The following ZNF777 variants were observed in gnomAD, a reference collection of about 807,000 sequenced individuals.
The protein encoded by ZNF777 is zinc finger protein 777.
A neutral mutation model predicts 72.1 loss-of-function variants in ZNF777; 7 were observed. The observed-to-expected ratio is 0.10, with a 90% CI of 0.06 to 0.18. The LOEUF (loss-of-function observed/expected upper bound fraction) is 0.18, where lower values mean the gene tolerates loss of function less well. Ranked by LOEUF, ZNF777 falls within the 10% of genes least tolerant of loss-of-function variation. ZNF777 has a pLI of 1.00. For missense variants in ZNF777, 828 were observed against 1,128.6 expected (o/e 0.73, Z 3.82); for synonymous variants, 545 against 483.5 (o/e 1.13, Z -1.67).
chr7:149,433,154 G>T (rs1194106531), intron 5 of ZNF777, among the ~76,000 whole-genome samples: 1 of 152,238 alleles, frequency 6.6e-6, no homozygotes, highest in Non-Finnish European at 1.5e-5. Flanking sequence ...CTTCAGGAAT[G>T]AGTCCAGACT....
rs749024743 is a variant in ZNF777, at chr7:149,432,761, G to A, written c.1511C>T (p.Pro504Leu). 4 of 1,610,516 alleles carry A rather than the reference G, an allele frequency of 2.5e-6. No homozygotes were observed. The highest frequency in any genetic ancestry group is 3.4e-6 in the Non-Finnish European group (4 of 1,177,514). ...TGCGGGGTTTCCTAGCTGCAGGGGC[G>A]GGGGGCTCTCCTCGCCCTCGGGGGA... Reference protein sequence around the residue: ...EMSPEGEESPPPLQLGNPAVK... With the variant: ...EMSPEGEESPLPLQLGNPAVK... Residue 504 changes from proline to leucine, a missense_variant, in exon 6 of 6, where the codon CCG becomes CTG. Around this residue, in one of 12 missense-constraint regions of ZNF777, gnomAD observed 219 missense variants for 223.0 expected, o/e 0.98. Coordinates refer to ENST00000247930, the MANE Select transcript of ZNF777 (RefSeq NM_015694.3).
intron 4 of ZNF777, among the ~76,000 whole-genome samples, chr7:149,444,563 G>A (rs138412751): frequency 1.6e-3 from 240 of 152,188 alleles, no homozygotes; most frequent in Middle Eastern, 0.01. Context: ...TTGGCAAAGC[G>A]CCTGCCCCAG....
chr7:149,446,820 A>C (rs1799611333), intron 4 of ZNF777, among the ~76,000 whole-genome samples: 1 of 152,050 alleles, frequency 6.6e-6, no homozygotes, highest in South Asian at 2.1e-4. Flanking sequence ...CCCACTGACT[A>C]TCAGGCTGCC....
At chr7:149,438,148 G>T (rs1057139469) in intron 4 of ZNF777, among the ~76,000 whole-genome samples, 4 of 151,896 alleles carry the variant, frequency 2.6e-5, no homozygotes, top group Non-Finnish European at 5.9e-5. Flanking sequence ...CAAAGTGCTG[G>T]GATTACAGGC....
chr7:149,449,645 T>C (rs1401945329), intron 4 of ZNF777, among the ~76,000 whole-genome samples: 4 of 152,236 alleles, frequency 2.6e-5, no homozygotes, highest in African/African-American at 9.6e-5. Flanking sequence ...ATCTCTCTAT[T>C]TCTACTTGAC....
At chr7:149,435,963 T>C (rs1469806519) in intron 5 of ZNF777, among the ~76,000 whole-genome samples, 3 of 152,250 alleles carry the variant, frequency 2.0e-5, no homozygotes, top group African/African-American at 7.2e-5. Flanking sequence ...AGTAGGGCTT[T>C]TCCCGGGCCT....
At chr7:149,446,126 C>T (rs1563236896) in intron 4 of ZNF777, among the ~76,000 whole-genome samples, 2 of 152,158 alleles carry the variant, frequency 1.3e-5, no homozygotes, top group Non-Finnish European at 2.9e-5. Context: ...GCCTGTAATC[C>T]AAGCACTTTG....
At chr7:149,448,579 C>CTATATATA (rs57860880) in intron 4 of ZNF777, among the ~76,000 whole-genome samples, 1,405 of 114,834 alleles carry the variant, frequency 0.012, 13 homozygotes, top group Non-Finnish European at 0.016. Flanking sequence ...ATACATATAA[C>CTATATATA]TATATATATA....
At chr7:149,442,304 G>GAC (rs1427170680) in intron 4 of ZNF777, among the ~76,000 whole-genome samples, 6 of 122,272 alleles carry the variant, frequency 4.9e-5, no homozygotes, top group East Asian at 2.3e-4. Context: ...CACACACACA[G>GAC]ACACACACAC....
At chr7:149,449,898 T>C (rs1247361693) in intron 4 of ZNF777, among the ~76,000 whole-genome samples, 2 of 152,196 alleles carry the variant, frequency 1.3e-5, no homozygotes, top group Non-Finnish European at 2.9e-5. Context: ...CTTGTATTTT[T>C]ACAGGGTTCT....
At chr7:149,440,001 A>G (rs531698910) in intron 4 of ZNF777, among the ~76,000 whole-genome samples, 33 of 152,206 alleles carry the variant, frequency 2.2e-4, no homozygotes, top group Non-Finnish European at 4.6e-4. Flanking sequence ...CCTCATTTAC[A>G]TTGGGAAACC....
chr7:149,444,701 C>T (rs1426069539), intron 4 of ZNF777, among the ~76,000 whole-genome samples: 1 of 152,236 alleles, frequency 6.6e-6, no homozygotes, highest in Non-Finnish European at 1.5e-5. Flanking sequence ...ATTTGAAAGG[C>T]ACTACTCTAC....
chr7:149,459,725 C>T (rs1205982074), intron 1 of ZNF777: 2 of 985,104 alleles, frequency 2.0e-6, no homozygotes, highest in East Asian at 2.3e-4. Context: ...CTCCGTTCTG[C>T]GAAATGGGAG....
intron 5 of ZNF777, among the ~76,000 whole-genome samples, chr7:149,434,323 C>CTGT (rs1799376101): frequency 6.6e-6 from 1 of 152,178 alleles, no homozygotes; most frequent in Non-Finnish European, 1.5e-5. Context: ...AGCCAGTGAA[C>CTGT]TACAGTGGTA....
At chr7:149,435,319 C>A (rs749954296) in intron 5 of ZNF777, among the ~76,000 whole-genome samples, 2 of 152,058 alleles carry the variant, frequency 1.3e-5, no homozygotes, top group Non-Finnish European at 2.9e-5. Context: ...TACAGGCATG[C>A]GCCACCATTC....
At position 149,460,195 on chromosome 7, in the gene ZNF777, C is replaced by T; in HGVS notation, c.-16+620G>A. On this transcript the variant is annotated intron_variant, in intron 1 of 5. Transcript: ENST00000247930. The surrounding 1 kb of genome is among the most constrained non-coding windows in gnomAD (Gnocchi z 6.1). ...CCCCCGGAGTCGCCGCCGCTACTGC[C>T]GCCGCCGCTACTGCGCGCGGCCCCA... 1 of 739,628 alleles carries T rather than the reference C, an allele frequency of 1.4e-6. No individual in the cohort carries two copies. The highest frequency in any genetic ancestry group is 6.0e-5 in the South Asian group (1 of 16,622). The allele number at this position is 739,628 out of a possible 1,614,324, so 45.8% of individuals were successfully genotyped here.
chr7:149,447,200 G>A (rs1234856030), intron 4 of ZNF777, among the ~76,000 whole-genome samples: 1 of 152,138 alleles, frequency 6.6e-6, no homozygotes, highest in Non-Finnish European at 1.5e-5. Context: ...CAAAAGCCAG[G>A]GTTCTGCAGG....
intron 4 of ZNF777, among the ~76,000 whole-genome samples, chr7:149,443,789 T>C (rs1386422362): frequency 6.6e-6 from 1 of 152,180 alleles, no homozygotes; most frequent in Non-Finnish European, 1.5e-5. Flanking sequence ...GATGGGGTTT[T>C]ACCATGTTGC....
At chr7:149,445,950 G>GTGCAAA (rs1369346925) in intron 4 of ZNF777, among the ~76,000 whole-genome samples, 1 of 152,176 alleles carries the variant, frequency 6.6e-6, no homozygotes, top group African/African-American at 2.4e-5. Flanking sequence ...AGGTGTGGGG[G>GTGCAAA]TGCAAATTGG....
Sources: gnomAD v4.1 joint callset for allele counts (sites outside exome capture counted in the v4.1 genomes callset) on GRCh38, gnomAD v4.1.1 for gene constraint, gnomAD v4.1.1 regional missense constraint, Gnocchi (gnomAD v3.1) non-coding constraint, MANE v1.5 for transcripts, NCBI Gene and HGNC (gene_info 2026-07-23, HGNC 2026-07-21) for gene names.